HS2ST1: variants seen among roughly 807,000 people sequenced by gnomAD.
HS2ST1 encodes the protein 2-O-sulfotransferase.
Under a neutral mutation model 42.9 loss-of-function variants are expected in HS2ST1, and 18 were observed. That is an observed-to-expected ratio of 0.42 (90% confidence interval 0.29 to 0.62). The LOEUF (loss-of-function observed/expected upper bound fraction) is 0.62. Among genes scored for constraint, HS2ST1 ranks in the 20% least tolerant of loss-of-function variants. The probability of loss-of-function intolerance (pLI) is 0.21; values close to 1 mark genes in which losing one functional copy is unlikely to be tolerated. For synonymous variants in HS2ST1, 146 were observed against 152.9 expected, an observed-to-expected ratio of 0.95 and a Z score of 0.33; for missense variants, 334 against 433.8, an observed-to-expected ratio of 0.77 and a Z score of 2.04.
intron 3 of HS2ST1, among the ~76,000 whole-genome samples, chr1:87,091,753 A>AT (rs1226285780): frequency 6.6e-6 from 1 of 152,084 alleles, no homozygotes; most frequent in Non-Finnish European, 1.5e-5. Context: ...TAGCTGTAAC[A>AT]TTTTAAGACT....
intron 1 of HS2ST1, among the ~76,000 whole-genome samples, chr1:87,031,195 C>G (rs1650229353): frequency 6.6e-6 from 1 of 152,146 alleles, no homozygotes. Flanking sequence ...CCCGCCTCAG[C>G]CTCCCAAAGT....
chr1:86,930,117 C>T (rs1277972496), intron 1 of HS2ST1, among the ~76,000 whole-genome samples: 1 of 151,712 alleles, frequency 6.6e-6, no homozygotes, highest in Non-Finnish European at 1.5e-5. Context: ...ATTGCTGCTA[C>T]TTTTTTTCAG....
At chr1:86,935,526 A>G (rs1382788481) in intron 1 of HS2ST1, among the ~76,000 whole-genome samples, 3 of 141,556 alleles carry the variant, frequency 2.1e-5, no homozygotes, top group Non-Finnish European at 4.5e-5. Flanking sequence ...GCAGTGGCAC[A>G]ATCTCGGCTC....
chr1:86,966,210 A>G (rs756998480), intron 1 of HS2ST1, among the ~76,000 whole-genome samples: 11 of 152,192 alleles, frequency 7.2e-5, no homozygotes, highest in East Asian at 1.9e-4. Flanking sequence ...AATTTCCTGT[A>G]TTAGTAGCTA....
At chr1:86,965,124 A>C (rs941618221) in intron 1 of HS2ST1, among the ~76,000 whole-genome samples, 3 of 152,204 alleles carry the variant, frequency 2.0e-5, no homozygotes, top group Non-Finnish European at 4.4e-5. Flanking sequence ...TCTTTCAGTA[A>C]TAGAGTAAGA....
intron 1 of HS2ST1, among the ~76,000 whole-genome samples, chr1:87,067,182 C>T (rs960068794): frequency 1.3e-5 from 2 of 152,188 alleles, no homozygotes; most frequent in African/African-American, 2.4e-5. Flanking sequence ...ATTTACACTC[C>T]CATCAACAGT....
chr1:87,075,501 T>G (rs1327599459), intron 2 of HS2ST1, among the ~76,000 whole-genome samples: 1 of 152,200 alleles, frequency 6.6e-6, no homozygotes, highest in Non-Finnish European at 1.5e-5. Context: ...TGCTCTTTTT[T>G]CTTCTCTAAG....
chr1:86,972,658 C>T (rs981561129), intron 1 of HS2ST1, among the ~76,000 whole-genome samples: 1 of 152,174 alleles, frequency 6.6e-6, no homozygotes, highest in Non-Finnish European at 1.5e-5. Context: ...GGTCTTGGGG[C>T]GCATCCCCTG....
intron 1 of HS2ST1, among the ~76,000 whole-genome samples, chr1:87,034,824 CCCCAGAA>C: frequency 6.6e-6 from 1 of 152,160 alleles, no homozygotes; most frequent in East Asian, 1.9e-4. Context: ...ATATCTTAAT[CCCCAGAA>C]CCTGTGATTA....
intron 1 of HS2ST1, chr1:87,046,685 G>C (rs1423252781): frequency 7.2e-6 from 10 of 1,392,964 alleles, no homozygotes; most frequent in Non-Finnish European, 9.6e-6. Context: ...AGACCGGCAG[G>C]TTCTAGATGT....
At chr1:87,023,881 G>T (rs993214020) in intron 1 of HS2ST1, among the ~76,000 whole-genome samples, 1 of 151,596 alleles carries the variant, frequency 6.6e-6, no homozygotes, top group African/African-American at 2.4e-5. Flanking sequence ...ATCTATTGAG[G>T]TCATGCCGCC....
chr1:87,062,274 T>C (rs1289002053), intron 1 of HS2ST1, among the ~76,000 whole-genome samples: 1 of 152,138 alleles, frequency 6.6e-6, no homozygotes, highest in Non-Finnish European at 1.5e-5. Context: ...CTGTTTTCTC[T>C]TTCTGCATTC....
chr1:86,950,247 C>G (rs1249864719), intron 1 of HS2ST1, among the ~76,000 whole-genome samples: 1 of 152,078 alleles, frequency 6.6e-6, no homozygotes, highest in Non-Finnish European at 1.5e-5. Flanking sequence ...TTTGCCAGAA[C>G]TTGTTGAAGA....
chr1:87,103,832 G>T (rs894757879), intron 6 of HS2ST1, among the ~76,000 whole-genome samples: 1 of 152,120 alleles, frequency 6.6e-6, no homozygotes, highest in Non-Finnish European at 1.5e-5. Flanking sequence ...GAAATGTATG[G>T]TATTCAATAA....
intron 1 of HS2ST1, among the ~76,000 whole-genome samples, chr1:86,927,782 G>T (rs1216621345): frequency 6.6e-6 from 1 of 152,158 alleles, no homozygotes; most frequent in Non-Finnish European, 1.5e-5. Flanking sequence ...CTACTTTTGA[G>T]TTGGGCTTAA....
intron 1 of HS2ST1, among the ~76,000 whole-genome samples, chr1:86,984,269 A>G (rs970671569): frequency 2.0e-5 from 3 of 152,324 alleles, no homozygotes; most frequent in Admixed American, 1.3e-4. Context: ...GTGATTTCCA[A>G]TAAGCCCTAG....
At position 86,914,728 on chromosome 1, in the gene HS2ST1, G is replaced by T; in HGVS notation, c.-309G>T. 2 of 346,340 alleles carry T rather than the reference G, an allele frequency of 5.8e-6. No homozygotes were observed. The highest frequency in any genetic ancestry group is 7.2e-5 in the South Asian group (2 of 27,686). 21.5% of individuals were successfully genotyped at this position (346,340 alleles called of 1,614,324 possible). On this transcript the variant is annotated 5_prime_UTR_variant, in exon 1 of 7. Coordinates refer to ENST00000370550, the MANE Select transcript of HS2ST1 (RefSeq NM_012262.4). ...GAGGCGGGCAAGCAGGCGGGCGCGG[G>T]GGTCGGGGACTGAGGCAGTAGAGGG...
At chr1:87,051,633 C>T (rs569124975) in intron 1 of HS2ST1, among the ~76,000 whole-genome samples, 2 of 152,102 alleles carry the variant, frequency 1.3e-5, no homozygotes, top group Non-Finnish European at 2.9e-5. Flanking sequence ...AATTAAAACT[C>T]AAATTATGGT....
chr1:87,101,147 G>GTGTGTTT (rs1652188361), intron 5 of HS2ST1, among the ~76,000 whole-genome samples: 2 of 75,916 alleles, frequency 2.6e-5, no homozygotes, highest in African/African-American at 9.9e-5. Context: ...GTGTGTGTGT[G>GTGTGTTT]TGTTTTTTGT....
Sources: allele counts gnomAD v4.1 joint callset (sites outside exome capture counted in the v4.1 genomes callset), GRCh38; gene constraint gnomAD v4.1.1; transcripts MANE v1.5; gene names NCBI Gene and HGNC (gene_info 2026-07-23, HGNC 2026-07-21).